MGAT4D: variants seen among roughly 807,000 people sequenced by gnomAD.
MGAT4D encodes MGAT4 family member D, also known as alpha-1,3-mannosyl-glycoprotein 4-beta-N-acetylglucosaminyltransferase-like protein MGAT4D.
Under a neutral mutation model 15.9 loss-of-function variants are expected in MGAT4D, and 34 were observed. That is an observed-to-expected ratio of 2.14 (90% confidence interval 1.62 to 2.84). The LOEUF is 2.84. Ranked by LOEUF, MGAT4D falls within the 30% of genes most tolerant of loss-of-function variation. The probability of loss-of-function intolerance (pLI) is 0.00; values close to 1 mark genes in which losing one functional copy is unlikely to be tolerated. For synonymous variants in MGAT4D, 112 were observed against 48.2 expected, an observed-to-expected ratio of 2.33 and a Z score of -5.49; for missense variants, 327 against 140.2, an observed-to-expected ratio of 2.33 and a Z score of -6.73.
At chr4:140,457,154 A>G (rs1304339596) in intron 8 of MGAT4D, 1 of 151,902 alleles carries the variant, frequency 6.6e-6, no homozygotes, top group Non-Finnish European at 1.5e-5. Context: ...CTCTCATTTC[A>G]GTATTTGAGC....
At chr4:140,455,680 T>C (rs868830589) in intron 9 of MGAT4D, among the ~76,000 whole-genome samples, 1 of 152,196 alleles carries the variant, frequency 6.6e-6, no homozygotes, top group Non-Finnish European at 1.5e-5. Flanking sequence ...CCAACTGTAA[T>C]TGTAGATCGG....
chr4:140,486,273 T>TCC (rs57402037), intron 1 of MGAT4D, among the ~76,000 whole-genome samples: 24,401 of 151,972 alleles, frequency 0.16, 2,287 homozygotes, highest in East Asian at 0.41. Flanking sequence ...CTAATTTCAT[T>TCC]GTTTTCTGCT....
intron 3 of MGAT4D, among the ~76,000 whole-genome samples, chr4:140,477,449 A>T (rs1017888585): frequency 2.0e-5 from 3 of 152,262 alleles, no homozygotes; most frequent in African/African-American, 7.2e-5. Flanking sequence ...GGAAGAATTC[A>T]CAGAGAAGTT....
At position 140,442,744 on chromosome 4, in the gene MGAT4D, G is replaced by A. The variant is rs1376935756; in HGVS notation, c.*692C>T. The A allele has an allele frequency of 1.3e-5, 2 of 151,842 alleles. No homozygotes were observed. Among genetic ancestry groups the A allele is most frequent in the African/African-American group, 4.8e-5 (2 of 41,346 alleles). The allele number at this position is 151,842 out of a possible 1,614,324, so 9.4% of individuals were successfully genotyped here. On this transcript the variant is annotated 3_prime_UTR_variant, in exon 11 of 11. Transcript: ENST00000511113. ...ACAATTCTCAAAATTTTATCACACAGGTAAAGTTCTATAACCACTATGCAA... is the reference window on the plus strand; with the variant it reads ...ACAATTCTCAAAATTTTATCACACAAGTAAAGTTCTATAACCACTATGCAA...
Position 140,462,023 on chromosome 4 carries a change from A to G in MGAT4D, c.687-19T>C, listed in dbSNP as rs1169253322. The G allele has an allele frequency of 5.7e-6, 4 of 697,012 alleles. No individual in the cohort carries two copies. Among genetic ancestry groups the G allele is most frequent in the Non-Finnish European group, 1.0e-5 (4 of 382,386 alleles). 43.2% of individuals were successfully genotyped at this position (697,012 alleles called of 1,614,324 possible). ...TCGCCAACTAAAGGTAATCAATAAG[A>G]TCTGTTAATATTTGTCATTATTAAT... On this transcript the variant is annotated intron_variant, in intron 6 of 10. Transcript: ENST00000511113.
At chr4:140,471,042 G>A (rs1457522885) in intron 5 of MGAT4D, among the ~76,000 whole-genome samples, 1 of 151,814 alleles carries the variant, frequency 6.6e-6, no homozygotes, top group East Asian at 1.9e-4. Flanking sequence ...ACACCACCAG[G>A]CTCGGCTTAA....
rs1438795690 is a variant in MGAT4D at position 140,442,950 on chromosome 4, G to C, written c.*486C>G. 1 of 152,144 alleles carries C rather than the reference G, an allele frequency of 6.6e-6. No homozygotes were observed. The highest frequency in any genetic ancestry group is 1.5e-5 in the Non-Finnish European group (1 of 68,014). 9.4% of individuals were successfully genotyped at this position (152,144 alleles called of 1,614,324 possible). ...ATAATCGGTTCAAATGGCACATAGGGATAAGTTTATAGTTTTAAATGCATC... is the reference window on the plus strand; with the variant it reads ...ATAATCGGTTCAAATGGCACATAGGCATAAGTTTATAGTTTTAAATGCATC... On this transcript the variant is annotated 3_prime_UTR_variant, in exon 11 of 11. Coordinates refer to ENST00000511113, the MANE Select transcript of MGAT4D (RefSeq NM_001277353.2).
intron 4 of MGAT4D, among the ~76,000 whole-genome samples, chr4:140,473,558 A>G (rs1185384208): frequency 6.6e-6 from 1 of 152,250 alleles, no homozygotes; most frequent in Non-Finnish European, 1.5e-5. Flanking sequence ...AAAATGAGGC[A>G]TAGATGAATT....
chr4:140,454,141 A>G (rs1380931406), intron 9 of MGAT4D, among the ~76,000 whole-genome samples: 1 of 152,030 alleles, frequency 6.6e-6, no homozygotes, highest in Non-Finnish European at 1.5e-5. Flanking sequence ...TTCCAGTAAA[A>G]TGTTGAATAG....
chr4:140,475,404 A>G (rs1057487571), intron 3 of MGAT4D, among the ~76,000 whole-genome samples: 13 of 152,124 alleles, frequency 8.5e-5, no homozygotes, highest in African/African-American at 3.1e-4. Context: ...ATGAATCCAC[A>G]TCTCTAAGTA....
chr4:140,476,965 G>T (rs537463351), intron 3 of MGAT4D, among the ~76,000 whole-genome samples: 20 of 152,092 alleles, frequency 1.3e-4, no homozygotes, highest in African/African-American at 4.1e-4. Context: ...CTAACATAAA[G>T]ACTGATACAT....
intron 1 of MGAT4D, among the ~76,000 whole-genome samples, chr4:140,491,893 C>G (rs939610149): frequency 4.6e-5 from 7 of 151,596 alleles, no homozygotes; most frequent in African/African-American, 7.3e-5. Flanking sequence ...AAGGGAAGCA[C>G]AAGAAAGGAG....
At chr4:140,485,222 TA>T (rs1420905742) in intron 1 of MGAT4D, among the ~76,000 whole-genome samples, 2 of 152,132 alleles carry the variant, frequency 1.3e-5, no homozygotes, top group Non-Finnish European at 2.9e-5. Context: ...TATGCAGCCA[TA>T]AAAAATGATG....
Position 140,492,181 on chromosome 4 carries a change from A to T in MGAT4D, c.94+5948T>A, listed in dbSNP as rs560336187. ...AATGTATAATATTGCTAAGACCACA[A>T]TGTTGTGAGAAACAAACACAAGCCA... On this transcript the variant is annotated intron_variant, in intron 1 of 10. Transcript: ENST00000511113. Among the ~76,000 whole-genome samples, 3 of 152,174 alleles carry T rather than the reference A, an allele frequency of 2.0e-5. No homozygotes were observed. In the East Asian group the frequency reaches 5.8e-4, roughly 29 times the overall value.
chr4:140,444,759 T>C (rs1729977164), intron 10 of MGAT4D, among the ~76,000 whole-genome samples: 1 of 152,184 alleles, frequency 6.6e-6, no homozygotes, highest in Admixed American at 6.5e-5. Flanking sequence ...CAAATGATAG[T>C]TCTGTTTTTA....
intron 6 of MGAT4D, 35 bp from the exon 7 acceptor site, chr4:140,462,039 C>T (rs1560774755): frequency 1.5e-6 from 1 of 688,788 alleles, no homozygotes; most frequent in South Asian, 1.6e-5. Flanking sequence ...TAATATTTGT[C>T]ATTATTAATT....
chr4:140,451,269 A>G (rs1578637752), intron 10 of MGAT4D, 141 bp downstream of exon 10: 1 of 367,010 alleles, frequency 2.7e-6, no homozygotes, highest in East Asian at 3.9e-5. Context: ...TGCTCTTCAC[A>G]ACATACAGTA....
At chr4:140,469,520 C>A (rs1360536014) in intron 5 of MGAT4D, among the ~76,000 whole-genome samples, 6 of 152,128 alleles carry the variant, frequency 3.9e-5, no homozygotes, top group African/African-American at 1.4e-4. Flanking sequence ...CAAATAAGGT[C>A]GCTCATTGTA....
chr4:140,479,250 T>C (rs183359994), intron 3 of MGAT4D, among the ~76,000 whole-genome samples: 6 of 152,344 alleles, frequency 3.9e-5, no homozygotes, highest in African/African-American at 1.4e-4. Context: ...ATTTGACTTA[T>C]ATTACTTATT....
Sources: allele counts gnomAD v4.1 joint callset (sites outside exome capture counted in the v4.1 genomes callset), GRCh38; gene constraint gnomAD v4.1.1; transcripts MANE v1.5; gene names NCBI Gene and HGNC (gene_info 2026-07-23, HGNC 2026-07-21).